Variants in DOCK8 observed in about 807,000 individuals in gnomAD.
DOCK8 encodes dedicator of cytokinesis protein 8.
A neutral mutation model predicts 245.6 loss-of-function variants in DOCK8; 141 were observed. The observed-to-expected ratio is 0.57, with a 90% CI of 0.50 to 0.66. The LOEUF is 0.66. DOCK8 is among the 30% of genes least tolerant of loss of function. DOCK8 has a pLI of 0.00. For missense variants in DOCK8, 2,965 were observed against 2,603.4 expected, an observed-to-expected ratio of 1.14 and a Z score of -3.02; for synonymous variants, 1,168 against 970.2, an observed-to-expected ratio of 1.20 and a Z score of -3.79.
upstream of DOCK8, chr9:212,898 C>T (rs1436719795): frequency 6.6e-6 from 1 of 152,188 alleles, no homozygotes; most frequent in East Asian, 1.9e-4. Flanking sequence ...ATGTCATAAA[C>T]ATTCAGAAAT....
intron 31 of DOCK8, 81 bp downstream of exon 31, chr9:420,664 G>A: frequency 6.5e-7 from 1 of 1,539,406 alleles, no homozygotes; most frequent in South Asian, 1.1e-5. Flanking sequence ...CCCTTTGTTT[G>A]GGCCATGGAG....
At chr9:419,076 C>G (rs1197215978) in intron 30 of DOCK8, among the ~76,000 whole-genome samples, 3 of 152,194 alleles carry the variant, frequency 2.0e-5, no homozygotes. Context: ...GGATTCATCT[C>G]TGTTCATTGA....
intron 1 of DOCK8, chr9:220,834 C>G: frequency 3.0e-6 from 1 of 338,244 alleles, no homozygotes; most frequent in South Asian, 2.2e-5. Flanking sequence ...GATTCTCCTG[C>G]CTCAGCCTCC....
chr9:229,429 C>T (rs193011376), intron 1 of DOCK8, among the ~76,000 whole-genome samples: 6 of 152,174 alleles, frequency 3.9e-5, no homozygotes, highest in Non-Finnish European at 7.3e-5. Flanking sequence ...GGTATATGAA[C>T]TTAATAATCC....
intron 21 of DOCK8, among the ~76,000 whole-genome samples, 184 bp downstream of exon 21, chr9:380,119 A>T (rs1405733434): frequency 8.9e-6 from 1 of 112,420 alleles, no homozygotes; most frequent in Non-Finnish European, 1.8e-5. Flanking sequence ...CAACCCCAGC[A>T]CTCTAGGAGG....
chr9:340,375 C>G (rs2051524831), intron 14 of DOCK8, 54 bp downstream of exon 14: 1 of 1,607,304 alleles, frequency 6.2e-7, no homozygotes, highest in Non-Finnish European at 8.5e-7. Context: ...AATCCCATAA[C>G]TTTGGGAGGC....
At chr9:405,302 A>C (rs936495813) in intron 27 of DOCK8, among the ~76,000 whole-genome samples, 111 of 152,232 alleles carry the variant, frequency 7.3e-4, no homozygotes, top group South Asian at 4.1e-4. Context: ...GGTTAAGTAA[A>C]GCCAAGAATC....
At chr9:383,700 CAAAAAAA>C (rs1164310899) in intron 22 of DOCK8, among the ~76,000 whole-genome samples, 2 of 69,932 alleles carry the variant, frequency 2.9e-5, no homozygotes, top group African/African-American at 5.2e-5. Flanking sequence ...GACTCCGTCT[CAAAAAAA>C]AAAAAAAAAA....
chr9:413,086 A>T (rs1480558626), intron 28 of DOCK8, among the ~76,000 whole-genome samples: 30 of 152,324 alleles, frequency 2.0e-4, no homozygotes, highest in Middle Eastern at 3.4e-3. Flanking sequence ...AATTGGGTTA[A>T]GAGTCCAAAA....
intron 14 of DOCK8, among the ~76,000 whole-genome samples, chr9:342,060 A>G (rs113345357): frequency 1.1e-4 from 17 of 152,316 alleles, no homozygotes; most frequent in African/African-American, 3.6e-4. Flanking sequence ...TGTGAGTTAT[A>G]TAATTATTTC....
chr9:244,877 A>G (rs1270255974), intron 1 of DOCK8, among the ~76,000 whole-genome samples: 2 of 152,104 alleles, frequency 1.3e-5, no homozygotes, highest in Non-Finnish European at 2.9e-5. Flanking sequence ...GTGTGTTTTG[A>G]AGAAGACTGG....
chr9:211,733 C>G (rs2046623060), upstream of DOCK8, among the ~76,000 whole-genome samples: 1 of 151,968 alleles, frequency 6.6e-6, no homozygotes, highest in Non-Finnish European at 1.5e-5. Flanking sequence ...GGAGTCATTC[C>G]AAGATACAGG....
At chr9:221,976 G>T (rs1321826077) in intron 1 of DOCK8, among the ~76,000 whole-genome samples, 1 of 152,036 alleles carries the variant, frequency 6.6e-6, no homozygotes, top group Non-Finnish European at 1.5e-5. Context: ...GTTCCAGGCT[G>T]GGCACAGTGG....
At chr9:228,146 G>A (rs1372038779) in intron 1 of DOCK8, among the ~76,000 whole-genome samples, 1 of 152,244 alleles carries the variant, frequency 6.6e-6, no homozygotes, top group South Asian at 2.1e-4. Flanking sequence ...AGAGAAATGG[G>A]ACAAGTGGTA....
chr9:413,087 G>A (rs2055821590), intron 28 of DOCK8, among the ~76,000 whole-genome samples: 2 of 152,036 alleles, frequency 1.3e-5, no homozygotes, highest in Admixed American at 1.3e-4. Context: ...ATTGGGTTAA[G>A]AGTCCAAAAA....
intron 2 of DOCK8, among the ~76,000 whole-genome samples, chr9:273,368 C>A (rs1183141253): frequency 6.6e-6 from 1 of 152,006 alleles, no homozygotes; most frequent in Non-Finnish European, 1.5e-5. Flanking sequence ...ATTAGATAAG[C>A]TTTACACCAA....
chr9:430,159 G>A (rs201934202), intron 36 of DOCK8, among the ~76,000 whole-genome samples: 2 of 152,234 alleles, frequency 1.3e-5, no homozygotes, highest in East Asian at 3.8e-4. Flanking sequence ...TGGATCATTT[G>A]AAGTCAGGAG....
chr9:346,696 G>A (rs2051905555), intron 14 of DOCK8, among the ~76,000 whole-genome samples: 1 of 152,178 alleles, frequency 6.6e-6, no homozygotes, highest in Non-Finnish European at 1.5e-5. Flanking sequence ...TCTCAGACCA[G>A]AAGTCTGATC....
intron 1 of DOCK8, among the ~76,000 whole-genome samples, chr9:264,961 C>T (rs1251534265): frequency 2.0e-5 from 3 of 152,160 alleles, no homozygotes; most frequent in African/African-American, 4.8e-5. Context: ...GACAAAGTCT[C>T]GCTCTTGTCC....
Sources: gnomAD v4.1 joint callset for allele counts (sites outside exome capture counted in the v4.1 genomes callset) on GRCh38, gnomAD v4.1.1 for gene constraint, MANE v1.5 for transcripts, NCBI Gene and HGNC (gene_info 2026-07-23, HGNC 2026-07-21) for gene names.